The following MTHFD1L variants were observed in gnomAD, a reference collection of about 807,000 sequenced individuals.
MTHFD1L encodes monofunctional C1-tetrahydrofolate synthase, mitochondrial.
In MTHFD1L, 81 loss-of-function variants were observed where a neutral mutation model predicts 119.5. The ratio of observed to expected loss-of-function variants is 0.68; its 90% confidence interval spans 0.57 to 0.82. The LOEUF is 0.82. MTHFD1L is among the 40% of genes least tolerant of loss of function. MTHFD1L has a pLI of 0.00. For synonymous variants in MTHFD1L, 430 were observed against 475.2 expected, an observed-to-expected ratio of 0.90 and a Z score of 1.24; for missense variants, 1,125 against 1,253.4, an observed-to-expected ratio of 0.90 and a Z score of 1.55.
chr6:150,919,233 T>G (rs1160697497), intron 9 of MTHFD1L, among the ~76,000 whole-genome samples: 3 of 151,986 alleles, frequency 2.0e-5, no homozygotes, highest in Non-Finnish European at 4.4e-5. Context: ...GGTTCTTTTT[T>G]TTCCCCTTGG....
At position 151,040,696 on chromosome 6, in the gene MTHFD1L, A is replaced by G. The variant is rs145364283; in HGVS notation, c.2847+3579A>G. 5.7e-3 allele frequency among the ~76,000 whole-genome samples: 862 copies of G among 152,290 alleles called. 3 individuals are homozygous for G. Among genetic ancestry groups the G allele is most frequent in the Non-Finnish European group, 9.6e-3 (652 of 68,030 alleles). On this transcript the variant is annotated intron_variant, in intron 26 of 27. Coordinates refer to ENST00000367321, the MANE Select transcript of MTHFD1L (RefSeq NM_015440.5). ...ACTCCAGCCTGGGAGATAGAGTGAG[A>G]TCTCTGTCTCTAAAAAAATGAAATA...
intron 4 of MTHFD1L, among the ~76,000 whole-genome samples, chr6:150,879,316 G>A (rs951277299): frequency 2.0e-5 from 3 of 152,010 alleles, no homozygotes; most frequent in Non-Finnish European, 4.4e-5. Flanking sequence ...TTTTGAGATG[G>A]AGTCTCGCTC....
rs150074377 is a variant in MTHFD1L, at chr6:151,020,846, G to A, written c.2586+5153G>A. 5.8e-3 allele frequency among the ~76,000 whole-genome samples: 886 copies of A among 152,224 alleles called. 12 individuals carry two copies. The highest frequency in any genetic ancestry group is 0.019 in the African/African-American group (776 of 41,542). On this transcript the variant is annotated intron_variant, in intron 24 of 27. Coordinates refer to ENST00000367321, the MANE Select transcript of MTHFD1L (RefSeq NM_015440.5). Reference sequence around the variant, plus strand: ...TATCTCCATGTCTGCAGGGATGCAGGGAAATATGATGGCTGAAAGAAACGC... The same window carrying A: ...TATCTCCATGTCTGCAGGGATGCAGAGAAATATGATGGCTGAAAGAAACGC...
intron 12 of MTHFD1L, among the ~76,000 whole-genome samples, chr6:150,937,383 T>C (rs1583660030): frequency 6.6e-6 from 1 of 151,838 alleles, no homozygotes; most frequent in Admixed American, 6.6e-5. Context: ...GGACAGCGAG[T>C]CGTGATGAAA....
intron 18 of MTHFD1L, among the ~76,000 whole-genome samples, chr6:150,962,914 C>CTTTTTTTTTTTTTTTTTTTT (rs4035893): frequency 8.8e-6 from 1 of 114,148 alleles, no homozygotes; most frequent in African/African-American, 3.3e-5. Flanking sequence ...CTTTTCTTTT[C>CTTTTTTTTTTTTTTTTTTTT]TTTTTTTTTT....
chr6:150,935,275 TG>T lies in MTHFD1L; in HGVS notation c.1257-1528del. ...GCATTGTATTTGTTGTGGACTCTGT[TG>T]ATGTCGAAAGGATGGAAGAAGCCAA... On this transcript the variant is annotated intron_variant, in intron 11 of 27. Transcript: ENST00000367321. 3 of 1,611,890 alleles carry T rather than the reference TG, an allele frequency of 1.9e-6. No individual in the cohort carries two copies. In the South Asian group the frequency reaches 3.3e-5, roughly 18 times the overall value.
intron 8 of MTHFD1L, among the ~76,000 whole-genome samples, chr6:150,914,673 A>C (rs1054649794): frequency 6.6e-6 from 1 of 152,324 alleles, no homozygotes; most frequent in East Asian, 1.9e-4. Context: ...TAACAGTAAT[A>C]ATCAGAAAGC....
intron 8 of MTHFD1L, among the ~76,000 whole-genome samples, chr6:150,915,960 G>A (rs2128878949): frequency 6.6e-6 from 1 of 152,224 alleles, no homozygotes; most frequent in African/African-American, 2.4e-5. Flanking sequence ...GCCCGTTTGT[G>A]GACACGATCT....
intron 5 of MTHFD1L, among the ~76,000 whole-genome samples, chr6:150,884,304 G>A (rs1212387622): frequency 6.6e-6 from 1 of 151,854 alleles, no homozygotes; most frequent in Admixed American, 6.6e-5. Context: ...ACCACACCTG[G>A]CTAATTTTTG....
rs983716525 is a variant in MTHFD1L, at chr6:151,004,301, G to A, written c.2126-5518G>A. On this transcript the variant is annotated intron_variant, in intron 20 of 27. Coordinates refer to ENST00000367321, the MANE Select transcript of MTHFD1L (RefSeq NM_015440.5). ...GATCACACCACTGCACTCCAGCCTG[G>A]GCAACAGAATGAGACTCCATCTCAA... Among the ~76,000 whole-genome samples the A allele has an allele frequency of 1.6e-4, 24 of 152,064 alleles. 1 individual carries two copies. The highest frequency in any genetic ancestry group is 5.6e-4 in the African/African-American group (23 of 41,408).
intron 9 of MTHFD1L, 24 bp from the exon 10 acceptor site, chr6:150,922,180 GT>G (rs762957114): frequency 9.5e-6 from 15 of 1,572,856 alleles, no homozygotes; most frequent in East Asian, 2.2e-5. Flanking sequence ...ATTCTAACAT[GT>G]TTTCCCCTCT....
At chr6:151,096,676 G>A (rs1050628287) in intron 27 of MTHFD1L, among the ~76,000 whole-genome samples, 9 of 152,188 alleles carry the variant, frequency 5.9e-5, no homozygotes, top group African/African-American at 1.9e-4. Context: ...GGATCACACC[G>A]TAGATGGTGT....
At chr6:151,023,372 C>G (rs1784216244) in intron 24 of MTHFD1L, among the ~76,000 whole-genome samples, 2 of 152,112 alleles carry the variant, frequency 1.3e-5, no homozygotes, top group African/African-American at 4.8e-5. Flanking sequence ...TTGACCAGAC[C>G]TTCTGCAAAC....
chr6:151,000,260 C>T (rs1286150068), intron 20 of MTHFD1L, among the ~76,000 whole-genome samples: 1 of 151,108 alleles, frequency 6.6e-6, no homozygotes, highest in Non-Finnish European at 1.5e-5. Flanking sequence ...TTGCTTGAAC[C>T]AGGGAGGTGG....
chr6:151,060,551 T>TG (rs1237231603), intron 26 of MTHFD1L, among the ~76,000 whole-genome samples: 3 of 152,164 alleles, frequency 2.0e-5, no homozygotes, highest in Non-Finnish European at 2.9e-5. Context: ...CATGGGGGGC[T>TG]GGCAGGGATA....
intron 12 of MTHFD1L, 106 bp from the exon 13 acceptor site, chr6:150,938,593 G>A (rs1792522621): frequency 1.7e-6 from 2 of 1,147,100 alleles, no homozygotes; most frequent in Non-Finnish European, 2.6e-6. Flanking sequence ...CATCTTGGGT[G>A]TGACGCCTCT....
At chr6:150,971,688 A>G (rs1269930038) in intron 19 of MTHFD1L, among the ~76,000 whole-genome samples, 1 of 152,210 alleles carries the variant, frequency 6.6e-6, no homozygotes, top group Non-Finnish European at 1.5e-5. Flanking sequence ...GTTTAACAAT[A>G]TTTTGGAAGG....
chr6:150,921,885 G>A (rs559135641), intron 9 of MTHFD1L, among the ~76,000 whole-genome samples: 2 of 152,154 alleles, frequency 1.3e-5, no homozygotes. Flanking sequence ...GTCTGCAAGG[G>A]AACTATAGAA....
chr6:150,910,162 C>G (rs952854800), intron 8 of MTHFD1L, among the ~76,000 whole-genome samples: 17 of 151,284 alleles, frequency 1.1e-4, no homozygotes, highest in African/African-American at 4.1e-4. Context: ...GCCTGGGCAG[C>G]AAGAGCAAAG....
Sources: allele counts gnomAD v4.1 joint callset (sites outside exome capture counted in the v4.1 genomes callset), GRCh38; gene constraint gnomAD v4.1.1; transcripts MANE v1.5; gene names NCBI Gene and HGNC (gene_info 2026-07-23, HGNC 2026-07-21).